The following RHOBTB3 variants were observed in gnomAD, a reference collection of about 807,000 sequenced individuals.
The protein encoded by RHOBTB3 is rho-related BTB domain-containing protein 3.
Under a neutral mutation model 67.2 loss-of-function variants are expected in RHOBTB3, and 47 were observed. The ratio of observed to expected loss-of-function variants is 0.70; its 90% CI spans 0.55 to 0.89. RHOBTB3 has a LOEUF of 0.89. Ranked by LOEUF, RHOBTB3 falls within the 40% of genes least tolerant of loss-of-function variation. RHOBTB3 has a pLI of 0.00. For synonymous variants in RHOBTB3, 273 were observed against 274.2 expected, an observed-to-expected ratio of 1.00 and a Z score of 0.04; for missense variants, 631 against 750.0, an observed-to-expected ratio of 0.84 and a Z score of 1.85.
intron 7 of RHOBTB3, among the ~76,000 whole-genome samples, chr5:95,765,496 CCA>C (rs959242895): frequency 7.9e-5 from 12 of 152,264 alleles, no homozygotes; most frequent in African/African-American, 2.9e-4. Flanking sequence ...TTACTGAGTA[CCA>C]CACAGGGGTG....
At chr5:95,778,405 T>C (rs1745953465) in intron 8 of RHOBTB3, among the ~76,000 whole-genome samples, 1 of 152,148 alleles carries the variant, frequency 6.6e-6, no homozygotes, top group Non-Finnish European at 1.5e-5. Context: ...GCAGGGTTTT[T>C]TTTTTTTTCT....
At chr5:95,720,207 T>G (rs940184524) in intron 1 of RHOBTB3, among the ~76,000 whole-genome samples, 13 of 152,174 alleles carry the variant, frequency 8.5e-5, no homozygotes, top group Admixed American at 7.9e-4. Context: ...AACTGAAGAA[T>G]GAGCCTTGGA....
intron 3 of RHOBTB3, among the ~76,000 whole-genome samples, chr5:95,743,218 G>C (rs1433359836): frequency 6.6e-6 from 1 of 152,106 alleles, no homozygotes; most frequent in African/African-American, 2.4e-5. Context: ...TTATGGTATG[G>C]ATACTTCTTA....
chr5:95,751,934 C>T (rs554519993), intron 4 of RHOBTB3, among the ~76,000 whole-genome samples: 13 of 152,262 alleles, frequency 8.5e-5, no homozygotes, highest in South Asian at 8.3e-4. Context: ...TCCAGTCTAT[C>T]GGTGATGGAC....
At chr5:95,762,974 A>G (rs765974523) in intron 6 of RHOBTB3, among the ~76,000 whole-genome samples, 6 of 152,182 alleles carry the variant, frequency 3.9e-5, no homozygotes, top group Non-Finnish European at 7.4e-5. Flanking sequence ...GACATGAGCT[A>G]CGTGGACGAG....
At chr5:95,783,128 T>A (rs2112833291) in intron 9 of RHOBTB3, among the ~76,000 whole-genome samples, 1 of 151,278 alleles carries the variant, frequency 6.6e-6, no homozygotes, top group African/African-American at 2.4e-5. Flanking sequence ...TTATTTTTAT[T>A]TTTATTTTTT....
At chr5:95,731,134 T>G (rs976049495), upstream of RHOBTB3, 10 of 1,020,782 alleles carry the variant, frequency 9.8e-6, no homozygotes, top group South Asian at 3.3e-4. Context: ...TAATTTATAT[T>G]CCGCGGCGCC....
At chr5:95,779,461 C>T (rs1303789230) in intron 8 of RHOBTB3, among the ~76,000 whole-genome samples, 5 of 152,172 alleles carry the variant, frequency 3.3e-5, no homozygotes, top group Admixed American at 2.0e-4. Flanking sequence ...GAGCCCTGGC[C>T]ACTCACGGCC....
At chr5:95,753,273 GTC>G (rs200475199) in intron 5 of RHOBTB3, among the ~76,000 whole-genome samples, 1 of 150,896 alleles carries the variant, frequency 6.6e-6, no homozygotes, top group Admixed American at 6.6e-5. Flanking sequence ...GTGTCTTTCT[GTC>G]TCTCTAGAGA....
intron 10 of RHOBTB3, among the ~76,000 whole-genome samples, chr5:95,787,760 A>G (rs1001871859): frequency 6.6e-6 from 1 of 152,252 alleles, no homozygotes; most frequent in African/African-American, 2.4e-5. Context: ...AAGGACAAAT[A>G]TTTTAGAATT....
intron 6 of RHOBTB3, among the ~76,000 whole-genome samples, chr5:95,760,815 T>C (rs1745373928): frequency 6.6e-6 from 1 of 152,106 alleles, no homozygotes; most frequent in Non-Finnish European, 1.5e-5. Context: ...ATACTTAAAG[T>C]TTTCTAAGAG....
chr5:95,752,502 T>A, intron 5 of RHOBTB3, 152 bp downstream of exon 5: 3 of 634,616 alleles, frequency 4.7e-6, no homozygotes, highest in Non-Finnish European at 5.6e-6. Context: ...CTAGAATCTG[T>A]GTTAATCAGC....
At chr5:95,737,799 A>G (rs899785090) in intron 3 of RHOBTB3, among the ~76,000 whole-genome samples, 4 of 152,224 alleles carry the variant, frequency 2.6e-5, no homozygotes, top group African/African-American at 9.7e-5. Context: ...TTACCTATGT[A>G]TACAGCCACG....
chr5:95,775,696 A>G (rs1561453410), intron 8 of RHOBTB3, among the ~76,000 whole-genome samples: 1 of 152,022 alleles, frequency 6.6e-6, no homozygotes, highest in Non-Finnish European at 1.5e-5. Context: ...ACTCTGAAAA[A>G]TGAATGTCTA....
rs770724246 is a variant in RHOBTB3, at chr5:95,788,775, A to T, written c.1637A>T (p.Asp546Val). Residue 546 changes from aspartate (D) to valine (V), a missense_variant, in exon 11 of 12, where the codon GAT (aspartate) becomes GTT (valine). Coordinates refer to ENST00000379982, the MANE Select transcript of RHOBTB3 (RefSeq NM_014899.4). ...TTTTTCTTGCAGTTTCACCACTCTG[A>T]TTGCCTTTCAACCTGGCTACTTCAT... Reference protein sequence around the residue: ...LLKKAKFHHSDCLSTWLLHFI... With the variant: ...LLKKAKFHHSVCLSTWLLHFI... 4 of 1,589,304 alleles carry T rather than the reference A, an allele frequency of 2.5e-6. No homozygotes were observed. Among genetic ancestry groups the T allele is most frequent in the Non-Finnish European group, 3.4e-6 (4 of 1,170,290 alleles).
At chr5:95,757,475 G>C (rs1745281012) in intron 6 of RHOBTB3, among the ~76,000 whole-genome samples, 1 of 152,128 alleles carries the variant, frequency 6.6e-6, no homozygotes, top group African/African-American at 2.4e-5. Context: ...AAGCCTAATT[G>C]GGAACAGACA....
At chr5:95,768,228 T>TTCTA (rs1349010108) in intron 8 of RHOBTB3, 62 bp downstream of exon 8, 1 of 1,502,402 alleles carries the variant, frequency 6.7e-7, no homozygotes, top group Non-Finnish European at 9.1e-7. Flanking sequence ...TTTCCTTGCT[T>TTCTA]TCTACTTCAG....
In RHOBTB3 at chr5:95,795,956, C is replaced by CTATT. The variant is rs1362122872; in HGVS notation, c.*2785_*2788dup. 9 of 152,062 alleles carry CTATT rather than the reference C, an allele frequency of 5.9e-5. No individual in the cohort carries two copies. The highest frequency in any genetic ancestry group is 5.9e-4 in the Admixed American group (9 of 15,260). The allele number at this position is 152,062 out of a possible 1,614,324, so 9.4% of individuals were successfully genotyped here. A position where few individuals can be genotyped will look rare whatever the true frequency, so the allele number is the denominator to read the frequency against. On this transcript the variant is annotated 3_prime_UTR_variant, in exon 12 of 12. Coordinates refer to ENST00000379982, the MANE Select transcript of RHOBTB3 (RefSeq NM_014899.4). ...TCCTTTCTTGGCCAAAGTCTTTACCCTATTTAACCCTTTGTATATTTCTGA... is the reference window on the plus strand; with the variant it reads ...TCCTTTCTTGGCCAAAGTCTTTACCCTATTTATTTAACCCTTTGTATATTTCTGA...
At chr5:95,789,232 A>C (rs889635587) in intron 11 of RHOBTB3, 1 of 170,936 alleles carries the variant, frequency 5.9e-6, no homozygotes, top group Non-Finnish European at 1.2e-5. Flanking sequence ...AGATTTAAAA[A>C]TTTTTTATAA....
Sources: gnomAD v4.1 joint callset for allele counts (sites outside exome capture counted in the v4.1 genomes callset) on GRCh38, gnomAD v4.1.1 for gene constraint, MANE v1.5 for transcripts, NCBI Gene and HGNC (gene_info 2026-07-23, HGNC 2026-07-21) for gene names.